The following CDK14 variants were observed in gnomAD, a reference collection of about 807,000 sequenced individuals.
The protein encoded by CDK14 is cyclin-dependent kinase 14.
CDK14 carries 34 observed loss-of-function variants against 60.7 expected under a neutral mutation model. The ratio of observed to expected loss-of-function variants is 0.56; its 90% CI spans 0.43 to 0.75. The LOEUF (loss-of-function observed/expected upper bound fraction) is 0.75, where lower values mean the gene tolerates loss of function less well. Among genes scored for constraint, CDK14 ranks in the 30% least tolerant of loss-of-function variants. The pLI, the probability that CDK14 is intolerant of heterozygous loss-of-function variation, is 0.00. For synonymous variants in CDK14, 197 were observed against 203.7 expected, an observed-to-expected ratio of 0.97 and a Z score of 0.28; for missense variants, 482 against 564.1, an observed-to-expected ratio of 0.85 and a Z score of 1.47.
rs761357291 is a variant in CDK14 at position 91,022,464 on chromosome 7, T to C, written c.1042-23433T>C. On this transcript the variant is annotated intron_variant, in intron 10 of 14. Coordinates refer to ENST00000380050, the MANE Select transcript of CDK14 (RefSeq NM_001287135.2). ...TCAAATATCTTCAGTATATTTTACGTATTTATTTACTTGCTTATTTCTCAT... is the reference window on the plus strand; with the variant it reads ...TCAAATATCTTCAGTATATTTTACGCATTTATTTACTTGCTTATTTCTCAT... 2.6e-5 allele frequency among the ~76,000 whole-genome samples: 4 copies of C among 152,242 alleles called. No individual in the cohort carries two copies. In the East Asian group the frequency reaches 5.8e-4, roughly 22 times the overall value.
intron 9 of CDK14, among the ~76,000 whole-genome samples, chr7:90,967,564 T>G (rs959377034): frequency 9.2e-5 from 14 of 152,180 alleles, no homozygotes; most frequent in African/African-American, 3.4e-4. Flanking sequence ...CCCTACCATT[T>G]AACTCTCAGT....
chr7:91,061,802 C>T (rs566457427), intron 11 of CDK14, among the ~76,000 whole-genome samples: 2 of 152,322 alleles, frequency 1.3e-5, no homozygotes, highest in East Asian at 3.9e-4. Context: ...AGGTGTCAGT[C>T]TGCCCCTACT....
At chr7:91,201,039 A>G (rs887506626) in intron 14 of CDK14, among the ~76,000 whole-genome samples, 4 of 152,060 alleles carry the variant, frequency 2.6e-5, no homozygotes, top group Non-Finnish European at 5.9e-5. Flanking sequence ...ATTTATTTTT[A>G]TTTCCTTTTT....
chr7:91,006,145 G>A (rs1246546958), intron 10 of CDK14, among the ~76,000 whole-genome samples: 1 of 152,238 alleles, frequency 6.6e-6, no homozygotes, highest in African/African-American at 2.4e-5. Flanking sequence ...GCTTCAGCCT[G>A]CTGGCGATGT....
At position 90,726,870 on chromosome 7, in the gene CDK14, T is replaced by C. The variant is rs1802654622; in HGVS notation, c.369+58T>C. ...AACAGAAGGAATAGCCTTCTTATGA[T>C]AGCATGCGGTGCTGGAAGACAGCAG... On this transcript the variant is annotated intron_variant, in intron 3 of 14. Transcript: ENST00000380050. 4.4e-6 allele frequency: 7 copies of C among 1,577,598 alleles called. No homozygotes were observed. In the South Asian group the frequency reaches 4.6e-5, roughly 10 times the overall value.
chr7:90,796,225 C>T (rs576185045), intron 5 of CDK14, among the ~76,000 whole-genome samples: 2 of 151,832 alleles, frequency 1.3e-5, no homozygotes, highest in African/African-American at 2.4e-5. Flanking sequence ...TAGAGTTGGG[C>T]ATATTAGGGA....
At chr7:90,658,622 C>T (rs75697761) in intron 2 of CDK14, among the ~76,000 whole-genome samples, 4,235 of 152,184 alleles carry the variant, frequency 0.028, 197 homozygotes, top group East Asian at 0.19. Context: ...CTTGTTGTAG[C>T]GTGTATCAGT....
At chr7:90,805,670 ATTG>A (rs1788797932) in intron 5 of CDK14, among the ~76,000 whole-genome samples, 1 of 152,146 alleles carries the variant, frequency 6.6e-6, no homozygotes, top group Non-Finnish European at 1.5e-5. Flanking sequence ...TTGTTTATGG[ATTG>A]AAGATCTCGT....
chr7:91,120,661 CA>C (rs1799754247), intron 14 of CDK14, among the ~76,000 whole-genome samples: 2 of 152,014 alleles, frequency 1.3e-5, no homozygotes, highest in East Asian at 1.9e-4. Context: ...CTCAGCCTCC[CA>C]AGTAGCTGGG....
intron 6 of CDK14, among the ~76,000 whole-genome samples, chr7:90,878,246 T>C (rs2117273601): frequency 6.6e-6 from 1 of 152,248 alleles, no homozygotes. Flanking sequence ...TAATATCAGC[T>C]GAATGCCTCC....
At chr7:91,136,371 A>G (rs1189843697) in intron 14 of CDK14, among the ~76,000 whole-genome samples, 7 of 152,178 alleles carry the variant, frequency 4.6e-5, no homozygotes, top group Non-Finnish European at 8.8e-5. Context: ...GCTTGTTTCA[A>G]CTTCACTAGT....
At chr7:90,750,194 AC>A (rs1562752198) in intron 4 of CDK14, among the ~76,000 whole-genome samples, 1,111 of 95,942 alleles carry the variant, frequency 0.012, 14 homozygotes, top group African/African-American at 0.035. Context: ...ACACACACAC[AC>A]ACACACCAAT....
intron 2 of CDK14, among the ~76,000 whole-genome samples, chr7:90,710,815 C>G (rs1023294598): frequency 2.6e-5 from 4 of 151,964 alleles, no homozygotes; most frequent in Non-Finnish European, 5.9e-5. Flanking sequence ...TCTTCAGAGA[C>G]TGAATTTTTG....
intron 14 of CDK14, among the ~76,000 whole-genome samples, chr7:91,135,960 T>C (rs975033437): frequency 2.6e-5 from 4 of 152,166 alleles, no homozygotes; most frequent in Non-Finnish European, 4.4e-5. Flanking sequence ...CCTACACTTG[T>C]GTCTTTCTTT....
chr7:90,771,544 T>C (rs899888741), intron 4 of CDK14, among the ~76,000 whole-genome samples: 8 of 152,306 alleles, frequency 5.3e-5, no homozygotes, highest in Admixed American at 5.2e-4. Flanking sequence ...CAAAAATGGG[T>C]TGCTGGCTGC....
At chr7:91,026,217 G>A (rs1796565105) in intron 10 of CDK14, among the ~76,000 whole-genome samples, 1 of 152,118 alleles carries the variant, frequency 6.6e-6, no homozygotes, top group African/African-American at 2.4e-5. Flanking sequence ...GAGTAGAACA[G>A]AGGCACAGCG....
chr7:91,073,294 C>T (rs1321211197), intron 11 of CDK14, among the ~76,000 whole-genome samples: 1 of 152,218 alleles, frequency 6.6e-6, no homozygotes. Flanking sequence ...GCCCATCAGA[C>T]TAACAGCTGA....
chr7:90,961,242 C>T (rs1794595534), intron 9 of CDK14, among the ~76,000 whole-genome samples: 1 of 152,128 alleles, frequency 6.6e-6, no homozygotes, highest in Admixed American at 6.6e-5. Context: ...ATGTCCTTTG[C>T]ATAACTAAAA....
intron 8 of CDK14, among the ~76,000 whole-genome samples, chr7:90,935,052 C>T (rs1367101447): frequency 6.6e-6 from 1 of 152,206 alleles, no homozygotes; most frequent in African/African-American, 2.4e-5. Context: ...AGCAAGAGGC[C>T]AGCCTCTGGT....
Sources: allele counts gnomAD v4.1 joint callset (sites outside exome capture counted in the v4.1 genomes callset), GRCh38; gene constraint gnomAD v4.1.1; transcripts MANE v1.5; gene names NCBI Gene and HGNC (gene_info 2026-07-23, HGNC 2026-07-21).